The following RFX2 variants were observed in gnomAD, a reference collection of about 807,000 sequenced individuals.
RFX2 encodes the protein DNA-binding protein RFX2.
A neutral mutation model predicts 87.8 loss-of-function variants in RFX2; 20 were observed. The ratio of observed to expected loss-of-function variants is 0.23; its 90% CI spans 0.16 to 0.33. The LOEUF is 0.33. Among genes scored for constraint, RFX2 ranks in the 10% least tolerant of loss-of-function variants. The pLI is 1.00. For missense variants in RFX2, 767 were observed against 1,012.3 expected, an observed-to-expected ratio of 0.76 and a Z score of 3.29; for synonymous variants, 397 against 431.3, an observed-to-expected ratio of 0.92 and a Z score of 0.98.
In RFX2 at chr19:6,007,655, G is replaced by T; in HGVS notation, c.1247+35C>A. 1 of 1,280,076 alleles carries T rather than the reference G, an allele frequency of 7.8e-7. No homozygotes were observed. 79.3% of individuals were successfully genotyped at this position (1,280,076 alleles called of 1,614,324 possible). The stretch of plus-strand genomic sequence containing the variant: ...GACGTCAGCAGGGGGTTAAGTCTGG[G>T]GTGGCTGTGAACCCAGCCAGGGTGT... On this transcript the variant is annotated intron_variant, in intron 11 of 17. Coordinates refer to ENST00000303657, the MANE Select transcript of RFX2 (RefSeq NM_000635.4). This position sits in a 1 kb window ranked among gnomAD's most constrained non-coding sequence, Gnocchi z 8.2.
rs199964081 is a variant in RFX2 at position 6,098,455 on chromosome 19, C to T, written c.-9+11938G>A. ...AGTGAGATGCGTTTTCGTCCAAGTTCGTCAGAGCCACCTGGGCAATGATCT... is the reference window on the plus strand; with the variant it reads ...AGTGAGATGCGTTTTCGTCCAAGTTTGTCAGAGCCACCTGGGCAATGATCT... On this transcript the variant is annotated intron_variant, in intron 1 of 17. Transcript: ENST00000303657. Among the ~76,000 whole-genome samples the T allele has an allele frequency of 8.5e-5, 13 of 152,172 alleles. No homozygotes were observed. The East Asian group carries it at 2.5e-3, about 29-fold the overall frequency.
chr19:6,073,520 GA>G, intron 1 of RFX2: 2 of 709,060 alleles, frequency 2.8e-6, no homozygotes, highest in Non-Finnish European at 4.3e-6. Context: ...GCGCAGTGAA[GA>G]AAATGAGTAG....
intron 1 of RFX2, among the ~76,000 whole-genome samples, chr19:6,065,030 G>A (rs920277186): frequency 4.7e-4 from 72 of 151,986 alleles, no homozygotes; most frequent in African/African-American, 1.6e-3. Flanking sequence ...TACTTCCATG[G>A]GAAATAAGAA....
chr19:6,082,780 G>C (rs1247985298), intron 1 of RFX2, among the ~76,000 whole-genome samples: 1 of 152,166 alleles, frequency 6.6e-6, no homozygotes, highest in Non-Finnish European at 1.5e-5. Context: ...GGTCTCTGTT[G>C]AGACTACTCA....
At chr19:6,080,150 T>TCCTG (rs1247079251) in intron 1 of RFX2, among the ~76,000 whole-genome samples, 3 of 151,494 alleles carry the variant, frequency 2.0e-5, no homozygotes, top group Non-Finnish European at 4.4e-5. Flanking sequence ...AAAGCATTCC[T>TCCTG]CCTGCCTCAG....
intron 5 of RFX2, among the ~76,000 whole-genome samples, chr19:6,031,453 C>T (rs1254325570): frequency 6.5e-5 from 4 of 61,692 alleles, no homozygotes; most frequent in Admixed American, 5.4e-4. Flanking sequence ...TTTTTGAGAT[C>T]GAGTCTCACT....
chr19:5,995,876 G>A (rs2086399780), intron 16 of RFX2, among the ~76,000 whole-genome samples: 1 of 152,212 alleles, frequency 6.6e-6, no homozygotes, highest in Admixed American at 6.5e-5. Flanking sequence ...TGACTACTCG[G>A]GGCAGCGAGG....
chr19:6,087,902 T>G (rs1427144683), intron 1 of RFX2, among the ~76,000 whole-genome samples: 2 of 152,190 alleles, frequency 1.3e-5, no homozygotes, highest in Non-Finnish European at 2.9e-5. Context: ...ACATGGGCAG[T>G]TTCTCCCCAG....
rs1194166357 is a variant in RFX2 at position 6,047,266 on chromosome 19, T to G, written c.90+141A>C. The G allele has an allele frequency of 3.1e-6, 2 of 640,112 alleles. No individual in the cohort carries two copies. Among genetic ancestry groups the G allele is most frequent in the Non-Finnish European group, 5.2e-6 (2 of 386,828 alleles). The allele number at this position is 640,112 out of a possible 1,614,324, so 39.7% of individuals were successfully genotyped here. The stretch of plus-strand genomic sequence containing the variant: ...TACAGTTAAGGAAATTGTGCCTATT[T>G]CAACAGCAGCAGCACTGGGACTGAG... On this transcript the variant is annotated intron_variant, in intron 2 of 17. Coordinates refer to ENST00000303657, the MANE Select transcript of RFX2 (RefSeq NM_000635.4). The surrounding 1 kb of genome is among the most constrained non-coding windows in gnomAD (Gnocchi z 4.2).
rs538213540 is a variant in RFX2 at position 6,012,476 on chromosome 19, G to A, written c.899+510C>T. ...GTGTAGGACTGTGAAAGGACTCTGC[G>A]TGACACTGTGATGGGGGACACATGT... On this transcript the variant is annotated intron_variant, in intron 8 of 17. Coordinates refer to ENST00000303657, the MANE Select transcript of RFX2 (RefSeq NM_000635.4). This position sits in a 1 kb window ranked among gnomAD's most constrained non-coding sequence, Gnocchi z 4.6. 6.6e-5 allele frequency among the ~76,000 whole-genome samples: 10 copies of A among 152,278 alleles called. No individual in the cohort carries two copies. Among genetic ancestry groups the A allele is most frequent in the Middle Eastern group, 3.4e-3 (1 of 294 alleles).
intron 1 of RFX2, among the ~76,000 whole-genome samples, chr19:6,106,757 A>C (rs2088223442): frequency 6.6e-6 from 1 of 150,808 alleles, no homozygotes; most frequent in Non-Finnish European, 1.5e-5. Flanking sequence ...ATACTGTTTA[A>C]ATGTTTGTAA....
Position 5,997,264 on chromosome 19 carries a change from G to A in RFX2, c.1860-51C>T, listed in dbSNP as rs182213065. The A allele has an allele frequency of 1.9e-5, 29 of 1,553,736 alleles. No homozygotes were observed. The highest frequency in any genetic ancestry group is 6.8e-5 in the African/African-American group (5 of 73,790). On this transcript the variant is annotated intron_variant, in intron 15 of 17. Coordinates refer to ENST00000303657, the MANE Select transcript of RFX2 (RefSeq NM_000635.4). The surrounding 1 kb of genome is among the most constrained non-coding windows in gnomAD (Gnocchi z 4.2). ...GGACCCTCAGGGGAGCATGGAACCCGGGCCCCAGGCCAGACTTCATGGCAG... is the reference window on the plus strand; with the variant it reads ...GGACCCTCAGGGGAGCATGGAACCCAGGCCCCAGGCCAGACTTCATGGCAG...
intron 13 of RFX2, among the ~76,000 whole-genome samples, chr19:6,003,766 G>A (rs980516213): frequency 2.0e-4 from 23 of 116,078 alleles, no homozygotes; most frequent in Non-Finnish European, 3.7e-4. Context: ...GCGACAGAGT[G>A]AGACTCTGTC....
chr19:6,052,205 G>A (rs576978076), intron 1 of RFX2, among the ~76,000 whole-genome samples: 2 of 152,158 alleles, frequency 1.3e-5, no homozygotes, highest in East Asian at 1.9e-4. Flanking sequence ...AAGCTGGAGC[G>A]GCTGTAATAA....
chr19:6,063,909 C>T lies in RFX2; in HGVS notation c.-8-16405G>A, dbSNP rs575433170. Among the ~76,000 whole-genome samples the T allele has an allele frequency of 2.0e-5, 3 of 152,316 alleles. No homozygotes were observed. The highest frequency in any genetic ancestry group is 2.9e-5 in the Non-Finnish European group (2 of 68,030). On this transcript the variant is annotated intron_variant, in intron 1 of 17. Coordinates refer to ENST00000303657, the MANE Select transcript of RFX2 (RefSeq NM_000635.4). This position sits in a 1 kb window ranked among gnomAD's most constrained non-coding sequence, Gnocchi z 4.0. Reference sequence around the variant, plus strand: ...AGGACCACCCCCATGGAGAACCACACGTCTAAGGCCACACCTTTACTCCAC... The same window carrying T: ...AGGACCACCCCCATGGAGAACCACATGTCTAAGGCCACACCTTTACTCCAC...
rs927274436 is a variant in RFX2 at position 6,004,427 on chromosome 19, G to A, written c.1403-129C>T. 58 of 750,568 alleles carry A rather than the reference G, an allele frequency of 7.7e-5. No homozygotes were observed. The highest frequency in any genetic ancestry group is 5.2e-4 in the South Asian group (35 of 67,214). 46.5% of individuals were successfully genotyped at this position (750,568 alleles called of 1,614,324 possible). ...ACCATGAAGAACGAGCCACACAGGC[G>A]ACGGGGAACCGAGGACACTTAGAAA... On this transcript the variant is annotated intron_variant, in intron 12 of 17. Coordinates refer to ENST00000303657, the MANE Select transcript of RFX2 (RefSeq NM_000635.4). The surrounding 1 kb of genome is among the most constrained non-coding windows in gnomAD (Gnocchi z 4.8).
intron 15 of RFX2, among the ~76,000 whole-genome samples, chr19:6,000,622 C>T (rs2086478427): frequency 6.6e-6 from 1 of 152,240 alleles, no homozygotes; most frequent in Non-Finnish European, 1.5e-5. Context: ...AAGGCGAGTT[C>T]CCCTGCACAT....
Position 6,069,425 on chromosome 19 carries a change from G to A in RFX2, c.-8-21921C>T, listed in dbSNP as rs74924742. 3.3e-4 allele frequency among the ~76,000 whole-genome samples: 50 copies of A among 152,314 alleles called. No homozygotes were observed. The East Asian group carries it at 8.5e-3, about 26-fold the overall frequency. ...ACATGGCTGGAGCCATCAGTGTATAGAGAACATGAGCTAGAGCCACCAGTG... is the reference window on the plus strand; with the variant it reads ...ACATGGCTGGAGCCATCAGTGTATAAAGAACATGAGCTAGAGCCACCAGTG... On this transcript the variant is annotated intron_variant, in intron 1 of 17. Transcript: ENST00000303657.
rs1342264432 is a variant in RFX2, at chr19:6,074,607, C to T, written c.-8-27103G>A. 6.6e-6 allele frequency among the ~76,000 whole-genome samples: 1 copy of T among 152,206 alleles called. No individual in the cohort carries two copies. The highest frequency in any genetic ancestry group is 1.5e-5 in the Non-Finnish European group (1 of 68,044). On this transcript the variant is annotated intron_variant, in intron 1 of 17. Coordinates refer to ENST00000303657, the MANE Select transcript of RFX2 (RefSeq NM_000635.4). This position sits in a 1 kb window ranked among gnomAD's most constrained non-coding sequence, Gnocchi z 5.2. ...CCCTGACCATGTGGGGCTGACCCCT[C>T]AGGGAGAGACAGACGACACCATGGA... is the stretch of plus-strand genomic sequence containing the variant.
Sources: allele counts gnomAD v4.1 joint callset (sites outside exome capture counted in the v4.1 genomes callset), GRCh38; gene constraint gnomAD v4.1.1; non-coding constraint Gnocchi (gnomAD v3.1); transcripts MANE v1.5; gene names NCBI Gene and HGNC (gene_info 2026-07-23, HGNC 2026-07-21).